The following PTPRN2 variants were observed in gnomAD, a reference collection of about 807,000 sequenced individuals.
The protein encoded by PTPRN2 is receptor-type tyrosine-protein phosphatase N2.
Under a neutral mutation model 118.8 loss-of-function variants are expected in PTPRN2, and 74 were observed. That is an observed-to-expected ratio of 0.62 (90% confidence interval 0.52 to 0.76). The LOEUF (loss-of-function observed/expected upper bound fraction) is 0.76, where lower values mean the gene tolerates loss of function less well. Among genes scored for constraint, PTPRN2 ranks in the 30% least tolerant of loss-of-function variants. The pLI is 0.00. For missense variants in PTPRN2, 1,481 were observed against 1,394.4 expected (o/e 1.06, Z -0.99); for synonymous variants, 641 against 608.0 (o/e 1.05, Z -0.80).
At chr7:158,072,043 G>C (rs578084778) in intron 11 of PTPRN2, among the ~76,000 whole-genome samples, 7 of 139,602 alleles carry the variant, frequency 5.0e-5, no homozygotes, top group Non-Finnish European at 7.8e-5. Context: ...AGGTGCTCGT[G>C]GTGGTGGAGG....
At chr7:158,464,759 C>G (rs1280264621) in intron 2 of PTPRN2, among the ~76,000 whole-genome samples, 1 of 151,354 alleles carries the variant, frequency 6.6e-6, no homozygotes, top group Non-Finnish European at 1.5e-5. Context: ...AGTAAATAAT[C>G]CTTCATCATC....
At chr7:158,047,014 G>A (rs1033672025) in intron 11 of PTPRN2, among the ~76,000 whole-genome samples, 1 of 152,218 alleles carries the variant, frequency 6.6e-6, no homozygotes, top group Non-Finnish European at 1.5e-5. Context: ...GGCTGCGAGG[G>A]AGGCCTGGCC....
Position 157,553,509 on chromosome 7 carries a change from GTC to G in PTPRN2, c.2903-4492_2903-4491del, listed in dbSNP as rs1798736806. Among the ~76,000 whole-genome samples, 3 of 152,304 alleles carry G rather than the reference GTC, an allele frequency of 2.0e-5. No homozygotes were observed. The South Asian group carries it at 6.2e-4, about 32-fold the overall frequency. ...CCTCACATAAAATGTGATGGATAAA[GTC>G]TCTCTTATTTCATGACATCGTGGCT... On this transcript the variant is annotated intron_variant, in intron 21 of 22. Transcript: ENST00000389418.
At chr7:157,904,139 T>G (rs1297183096) in intron 11 of PTPRN2, among the ~76,000 whole-genome samples, 2 of 152,202 alleles carry the variant, frequency 1.3e-5, no homozygotes, top group Non-Finnish European at 2.9e-5. Flanking sequence ...AGCTGAAGCA[T>G]CGCTCAACGA....
At chr7:158,347,085 G>A (rs1301634642) in intron 2 of PTPRN2, among the ~76,000 whole-genome samples, 1 of 152,142 alleles carries the variant, frequency 6.6e-6, no homozygotes, top group Non-Finnish European at 1.5e-5. Flanking sequence ...TTTGTTTGCT[G>A]TGTAGAGCTT....
intron 11 of PTPRN2, among the ~76,000 whole-genome samples, chr7:157,993,885 C>T (rs1489249104): frequency 2.0e-5 from 3 of 152,116 alleles, no homozygotes; most frequent in Admixed American, 2.0e-4. Flanking sequence ...AAGACAAAAC[C>T]CAAGGGGGGT....
chr7:157,999,485 C>T (rs535058598), intron 11 of PTPRN2, among the ~76,000 whole-genome samples: 2 of 152,304 alleles, frequency 1.3e-5, no homozygotes, highest in East Asian at 1.9e-4. Context: ...TCACTCTTGC[C>T]CACTTACCCT....
chr7:157,943,792 C>T (rs76252133), intron 11 of PTPRN2, among the ~76,000 whole-genome samples: 194 of 152,214 alleles, frequency 1.3e-3, no homozygotes, highest in East Asian at 3.9e-3. Context: ...ATGGAAGGCC[C>T]GGCTCAGCCT....
intron 6 of PTPRN2, among the ~76,000 whole-genome samples, chr7:158,162,838 T>C (rs1822485703): frequency 6.6e-6 from 1 of 152,176 alleles, no homozygotes; most frequent in Non-Finnish European, 1.5e-5. Context: ...GACTGCTTCT[T>C]TGGGAGCAGG....
intron 11 of PTPRN2, among the ~76,000 whole-genome samples, chr7:157,981,916 T>C (rs569880195): frequency 5.8e-4 from 88 of 152,374 alleles, no homozygotes; most frequent in Non-Finnish European, 9.7e-4. Flanking sequence ...ATTTGTAGAA[T>C]GTGGGGTCCC....
intron 11 of PTPRN2, among the ~76,000 whole-genome samples, chr7:157,904,158 T>C (rs1002382520): frequency 1.3e-5 from 2 of 152,234 alleles, no homozygotes; most frequent in African/African-American, 4.8e-5. Flanking sequence ...GACTTTGCTC[T>C]GGGTGACTCA....
At chr7:158,067,474 C>T (rs759163508) in intron 11 of PTPRN2, among the ~76,000 whole-genome samples, 1 of 152,162 alleles carries the variant, frequency 6.6e-6, no homozygotes, top group Non-Finnish European at 1.5e-5. Context: ...GCCTTGCCTC[C>T]AGGACATGTT....
chr7:157,703,931 G>A (rs1394970044), intron 12 of PTPRN2, among the ~76,000 whole-genome samples: 1 of 152,196 alleles, frequency 6.6e-6, no homozygotes, highest in Non-Finnish European at 1.5e-5. Flanking sequence ...TTGAATGCGT[G>A]ATCACCGTGG....
chr7:158,523,359 A>AGTCTGCCCTGGAGTGGAGTC (rs1221698304), intron 1 of PTPRN2, among the ~76,000 whole-genome samples: 5 of 110,966 alleles, frequency 4.5e-5, no homozygotes, highest in South Asian at 6.5e-4. Flanking sequence ...CCTGAAGTGG[A>AGTCTGCCCTGGAGTGGAGTC]GTCTGCCCTG....
chr7:157,846,074 T>C (rs1474299200), intron 12 of PTPRN2, among the ~76,000 whole-genome samples: 1 of 151,364 alleles, frequency 6.6e-6, no homozygotes, highest in Non-Finnish European at 1.5e-5. Flanking sequence ...TATTAAAAAG[T>C]GGGAAAAGGT....
intron 2 of PTPRN2, among the ~76,000 whole-genome samples, chr7:158,327,391 A>G (rs1309424911): frequency 6.6e-6 from 1 of 151,040 alleles, no homozygotes; most frequent in South Asian, 2.1e-4. Flanking sequence ...ACATGCACAC[A>G]CATGCTCACA....
intron 3 of PTPRN2, among the ~76,000 whole-genome samples, chr7:158,225,192 T>C (rs1464245042): frequency 6.6e-6 from 1 of 151,924 alleles, no homozygotes; most frequent in African/African-American, 2.4e-5. Context: ...ACTAAACATA[T>C]ACTTATCATA....
chr7:158,172,695 C>T (rs1823816817), intron 5 of PTPRN2, among the ~76,000 whole-genome samples: 2 of 148,920 alleles, frequency 1.3e-5, no homozygotes, highest in African/African-American at 5.0e-5. Flanking sequence ...CCATCATCAT[C>T]TTCACCATCC....
At chr7:158,314,966 C>G (rs538873618) in intron 3 of PTPRN2, among the ~76,000 whole-genome samples, 1 of 143,170 alleles carries the variant, frequency 7.0e-6, no homozygotes, top group African/African-American at 2.6e-5. Context: ...CAGAGGTGAA[C>G]CCGGGACCCC....
Sources: allele counts gnomAD v4.1 joint callset (sites outside exome capture counted in the v4.1 genomes callset), GRCh38; gene constraint gnomAD v4.1.1; transcripts MANE v1.5; gene names NCBI Gene and HGNC (gene_info 2026-07-23, HGNC 2026-07-21).